Variants in RNLS observed in about 807,000 individuals in gnomAD.
RNLS encodes renalase, FAD dependent amine oxidase, also known as renalase.
RNLS carries 39 observed loss-of-function variants against 39.8 expected under a neutral mutation model. The observed-to-expected ratio is 0.98, with a 90% CI of 0.76 to 1.28. The LOEUF is 1.28. Among genes scored for constraint, RNLS ranks in the 50% most tolerant of loss-of-function variants. RNLS has a pLI of 0.00. For missense variants in RNLS, 410 were observed against 413.3 expected (o/e 0.99, Z 0.07); for synonymous variants, 147 against 150.7 (o/e 0.98, Z 0.18).
At chr10:88,497,868 A>G (rs1210163071) in intron 4 of RNLS, among the ~76,000 whole-genome samples, 1 of 152,022 alleles carries the variant, frequency 6.6e-6, no homozygotes. Flanking sequence ...TGTGCCAACT[A>G]GCTATAATTT....
chr10:88,464,242 G>A (rs537100740), intron 4 of RNLS, among the ~76,000 whole-genome samples: 7 of 152,170 alleles, frequency 4.6e-5, no homozygotes, highest in Middle Eastern at 3.4e-3. Flanking sequence ...ACTGGAAATC[G>A]ATATCATCAG....
intron 4 of RNLS, among the ~76,000 whole-genome samples, chr10:88,422,431 G>A (rs1056239727): frequency 1.3e-5 from 2 of 152,142 alleles, no homozygotes; most frequent in African/African-American, 4.8e-5. Context: ...TTTCCTTGAA[G>A]GAATTAGAAA....
At chr10:88,360,425 GTA>G (rs898393024) in intron 5 of RNLS, among the ~76,000 whole-genome samples, 7 of 152,152 alleles carry the variant, frequency 4.6e-5, no homozygotes, top group African/African-American at 1.7e-4. Flanking sequence ...TCCTTGATTA[GTA>G]TTATTATTTA....
intron 4 of RNLS, among the ~76,000 whole-genome samples, chr10:88,536,599 C>T (rs1435605062): frequency 6.6e-6 from 1 of 152,210 alleles, no homozygotes; most frequent in Non-Finnish European, 1.5e-5. Flanking sequence ...GTCCCTCATT[C>T]AGCCTGCTCT....
intron 4 of RNLS, among the ~76,000 whole-genome samples, chr10:88,526,712 G>A (rs940464506): frequency 3.3e-5 from 5 of 151,664 alleles, no homozygotes; most frequent in African/African-American, 1.2e-4. Context: ...GTTACAGTGA[G>A]CTGGAATCAC....
chr10:88,308,607 C>G (rs970181956), intron 6 of RNLS, among the ~76,000 whole-genome samples: 1 of 151,470 alleles, frequency 6.6e-6, no homozygotes, highest in Non-Finnish European at 1.5e-5. Flanking sequence ...AGAATGGCTA[C>G]TATTAAAAAA....
intron 4 of RNLS, among the ~76,000 whole-genome samples, chr10:88,374,085 G>A (rs900555798): frequency 1.3e-5 from 2 of 151,840 alleles, no homozygotes; most frequent in African/African-American, 2.4e-5. Flanking sequence ...CAAAATAGGG[G>A]CAAAAAATAA....
At chr10:88,417,805 C>T (rs1018428045) in intron 4 of RNLS, among the ~76,000 whole-genome samples, 2 of 152,200 alleles carry the variant, frequency 1.3e-5, no homozygotes, top group African/African-American at 2.4e-5. Flanking sequence ...GGAATCTTTA[C>T]CGTTTTGGCT....
intron 4 of RNLS, among the ~76,000 whole-genome samples, chr10:88,509,030 T>TA (rs1845946661): frequency 6.6e-6 from 1 of 152,058 alleles, no homozygotes; most frequent in Admixed American, 6.6e-5. Flanking sequence ...GGCTGGTTCA[T>TA]AAACCCCTTC....
At chr10:88,180,961 C>T in the RNLS span, among the ~76,000 whole-genome samples, 1 of 152,098 alleles carries the variant, frequency 6.6e-6, no homozygotes, top group Admixed American at 6.5e-5. Flanking sequence ...ATGCATATTC[C>T]ATGCTTTATT....
chr10:88,508,532 A>T (rs896258825), intron 4 of RNLS, among the ~76,000 whole-genome samples: 6 of 152,124 alleles, frequency 3.9e-5, no homozygotes, highest in Non-Finnish European at 8.8e-5. Flanking sequence ...AATTCTAATG[A>T]CCTTTATTAG....
intron 5 of RNLS, among the ~76,000 whole-genome samples, chr10:88,338,800 T>C (rs910001210): frequency 6.7e-5 from 10 of 148,744 alleles, no homozygotes; most frequent in African/African-American, 2.5e-4. Flanking sequence ...TCTCGCTCTG[T>C]TGCCAGGCTG....
At chr10:88,577,218 C>T (rs754680604) in intron 3 of RNLS, among the ~76,000 whole-genome samples, 3 of 152,136 alleles carry the variant, frequency 2.0e-5, no homozygotes, top group Admixed American at 2.0e-4. Context: ...TGAGGTTGTT[C>T]TATTGAACCA....
chr10:88,322,212 G>C (rs1336045204), intron 5 of RNLS, among the ~76,000 whole-genome samples: 4 of 152,056 alleles, frequency 2.6e-5, no homozygotes. Flanking sequence ...TGCAAAAAAT[G>C]CATTCAATAA....
At chr10:88,296,884 C>G (rs1348802267) in intron 6 of RNLS, among the ~76,000 whole-genome samples, 1 of 152,070 alleles carries the variant, frequency 6.6e-6, no homozygotes, top group Admixed American at 6.6e-5. Flanking sequence ...ACAGTTTTAC[C>G]TTTTCCAGAA....
intron 4 of RNLS, among the ~76,000 whole-genome samples, chr10:88,443,053 C>T (rs756377278): frequency 5.9e-5 from 9 of 152,194 alleles, no homozygotes; most frequent in African/African-American, 1.7e-4. Flanking sequence ...TCAACTTCCA[C>T]ATCCAACGCC....
chr10:88,467,265 C>CTAGA (rs1374610865), intron 4 of RNLS, among the ~76,000 whole-genome samples: 1 of 146,752 alleles, frequency 6.8e-6, no homozygotes, highest in Non-Finnish European at 1.5e-5. Context: ...AAAGTCCAGG[C>CTAGA]TCTACACTGG....
chr10:88,186,378 C>G, the RNLS span, among the ~76,000 whole-genome samples: 1 of 152,198 alleles, frequency 6.6e-6, no homozygotes, highest in Non-Finnish European at 1.5e-5. Context: ...TATAGACGAA[C>G]AGCCAAGTAC....
chr10:88,548,187 G>C (rs1452041945), intron 4 of RNLS, among the ~76,000 whole-genome samples: 1 of 141,758 alleles, frequency 7.1e-6, no homozygotes, highest in Non-Finnish European at 1.5e-5. Flanking sequence ...GCTTGAACCC[G>C]GGAGGCGGAG....
Sources: gnomAD v4.1 joint callset for allele counts (sites outside exome capture counted in the v4.1 genomes callset) on GRCh38, gnomAD v4.1.1 for gene constraint, MANE v1.5 for transcripts, NCBI Gene and HGNC (gene_info 2026-07-23, HGNC 2026-07-21) for gene names.